Variants in PXDN observed in about 807,000 individuals in gnomAD.
PXDN encodes peroxidasin.
PXDN carries 77 observed loss-of-function variants against 140.3 expected under a neutral mutation model. The ratio of observed to expected loss-of-function variants is 0.55; its 90% CI spans 0.46 to 0.66. The LOEUF is 0.66. Ranked by LOEUF, PXDN falls within the 30% of genes least tolerant of loss-of-function variation. The pLI, the probability that PXDN is intolerant of heterozygous loss-of-function variation, is 0.00. For missense variants in PXDN, 1,838 were observed against 2,039.5 expected, an observed-to-expected ratio of 0.90 and a Z score of 1.90; for synonymous variants, 911 against 857.4, an observed-to-expected ratio of 1.06 and a Z score of -1.09.
intron 13 of PXDN, 140 bp downstream of exon 13, chr2:1,661,932 C>T: frequency 2.9e-6 from 2 of 683,172 alleles, no homozygotes; most frequent in Admixed American, 2.6e-5. Context: ...AGCTGTCCAG[C>T]CCATCATACC....
intron 1 of PXDN, among the ~76,000 whole-genome samples, chr2:1,708,756 G>A (rs773825834): frequency 9.2e-5 from 14 of 152,266 alleles, no homozygotes; most frequent in South Asian, 2.1e-4. Flanking sequence ...TCATAGAAAC[G>A]GGGACATCTT....
At chr2:1,737,014 CAG>C (rs1685436906) in intron 1 of PXDN, among the ~76,000 whole-genome samples, 3 of 152,314 alleles carry the variant, frequency 2.0e-5, no homozygotes, top group Admixed American at 2.0e-4. Flanking sequence ...CCCGGTAGGA[CAG>C]AGTGTGTGGG....
At chr2:1,727,040 A>G (rs983682594) in intron 1 of PXDN, among the ~76,000 whole-genome samples, 1 of 152,264 alleles carries the variant, frequency 6.6e-6, no homozygotes, top group African/African-American at 2.4e-5. Context: ...TCTTAAACAC[A>G]TAGGTCTGGT....
In PXDN at chr2:1,644,820, T is replaced by TA. The variant is rs1329986148; in HGVS notation, c.3609-69dup. On this transcript the variant is annotated intron_variant, in intron 17 of 22. Coordinates refer to ENST00000252804, the MANE Select transcript of PXDN (RefSeq NM_012293.3). The stretch of plus-strand genomic sequence containing the variant: ...CACGTGGTAAAAAATACAGCAAATA[T>TA]AAAAACAGTTCTTTCTTTCTATCAC... 21 of 1,311,604 alleles carry TA rather than the reference T, an allele frequency of 1.6e-5. 1 individual carries two copies. In the South Asian group the frequency reaches 2.4e-4, roughly 15 times the overall value. The allele number at this position is 1,311,604 out of a possible 1,614,324, so 81.2% of individuals were successfully genotyped here.
chr2:1,686,566 G>A (rs986061351), intron 4 of PXDN, among the ~76,000 whole-genome samples: 1 of 152,158 alleles, frequency 6.6e-6, no homozygotes, highest in Non-Finnish European at 1.5e-5. Flanking sequence ...ACGCTTGTTG[G>A]ATATGAGAAC....
In PXDN at chr2:1,660,952, G is replaced by A; in HGVS notation, c.1766C>T (p.Ala589Val). Residue 589 changes from alanine (A) to valine (V), a missense_variant, in exon 14 of 23, where the codon GCA (alanine) becomes GTA (valine). This residue lies in a region of PXDN where 537 missense variants were observed against 583.9 expected (regional missense o/e 0.92). Coordinates refer to ENST00000252804, the MANE Select transcript of PXDN (RefSeq NM_012293.3). The surrounding 1 kb of genome is among the most constrained non-coding windows in gnomAD (Gnocchi z 4.6). ...CCGGGCCACACACTCATAGCGACCT[G>A]CGTCTGCAGGGCCAACGTCATTGAT... ...LTINDVGPADAGRYECVARNT... is the reference protein window; with the variant it reads ...LTINDVGPADVGRYECVARNT... 2 of 1,614,028 alleles carry A rather than the reference G, an allele frequency of 1.2e-6. No homozygotes were observed. The highest frequency in any genetic ancestry group is 1.7e-6 in the Non-Finnish European group (2 of 1,179,900).
intron 14 of PXDN, among the ~76,000 whole-genome samples, chr2:1,654,882 G>A (rs151264989): frequency 1.3e-5 from 2 of 152,178 alleles, no homozygotes; most frequent in East Asian, 1.9e-4. Context: ...AGCAGATCTC[G>A]TCCATTCCTC....
intron 1 of PXDN, among the ~76,000 whole-genome samples, chr2:1,710,776 ACT>A (rs1274570317): frequency 2.0e-4 from 3 of 15,040 alleles, no homozygotes; most frequent in African/African-American, 6.3e-4. Flanking sequence ...ACCAGCACCC[ACT>A]CTCCACCAGC....
chr2:1,713,933 C>T (rs895760097), intron 1 of PXDN, among the ~76,000 whole-genome samples: 3 of 152,212 alleles, frequency 2.0e-5, no homozygotes, highest in Non-Finnish European at 4.4e-5. Context: ...CTCCCAGAGC[C>T]AGGAAGGCAC....
At chr2:1,716,141 A>G (rs1684888279) in intron 1 of PXDN, among the ~76,000 whole-genome samples, 1 of 152,142 alleles carries the variant, frequency 6.6e-6, no homozygotes, top group Non-Finnish European at 1.5e-5. Flanking sequence ...ACGTATCTAT[A>G]AAACCAGGGT....
At chr2:1,694,993 G>C (rs151152778) in intron 1 of PXDN, among the ~76,000 whole-genome samples, 28 of 152,344 alleles carry the variant, frequency 1.8e-4, no homozygotes, top group African/African-American at 6.3e-4. Context: ...TCACAGCTTA[G>C]AGCAAAAATC....
At chr2:1,657,549 C>T (rs1683174959) in intron 14 of PXDN, among the ~76,000 whole-genome samples, 1 of 150,476 alleles carries the variant, frequency 6.6e-6, no homozygotes, top group East Asian at 2.0e-4. Flanking sequence ...CCTCTCGTGA[C>T]AGACACCTGG....
intron 9 of PXDN, among the ~76,000 whole-genome samples, chr2:1,668,584 A>G (rs1308982008): frequency 6.8e-6 from 1 of 147,216 alleles, no homozygotes; most frequent in East Asian, 2.1e-4. Context: ...AGAATCTACA[A>G]GGAACTTAAA....
chr2:1,663,986 AG>A, intron 11 of PXDN: 1 of 566,452 alleles, frequency 1.8e-6, no homozygotes, highest in South Asian at 2.2e-5. Flanking sequence ...ACAGTGGCAG[AG>A]AACAGAGGGA....
At chr2:1,670,735 C>G (rs908571795) in intron 9 of PXDN, among the ~76,000 whole-genome samples, 11 of 152,070 alleles carry the variant, frequency 7.2e-5, no homozygotes, top group African/African-American at 2.7e-4. Context: ...ATACAGAAGA[C>G]AAGACACAGA....
At chr2:1,694,896 G>GCTCCCGT (rs1437525534) in intron 1 of PXDN, among the ~76,000 whole-genome samples, 1 of 152,178 alleles carries the variant, frequency 6.6e-6, no homozygotes, top group African/African-American at 2.4e-5. Flanking sequence ...TTGCAAAGAA[G>GCTCCCGT]CTCCCGTACC....
At chr2:1,681,533 G>A (rs1328031648) in intron 6 of PXDN, among the ~76,000 whole-genome samples, 1 of 151,374 alleles carries the variant, frequency 6.6e-6, no homozygotes, top group African/African-American at 2.4e-5. Flanking sequence ...GGCAGCGTGA[G>A]GGCATCTCTA....
chr2:1,664,202 G>A (rs1389859126), intron 11 of PXDN: 1 of 165,384 alleles, frequency 6.0e-6, no homozygotes, highest in Non-Finnish European at 1.3e-5. Flanking sequence ...GGCGTGTGAT[G>A]CAGGCACAAG....
chr2:1,719,829 G>A (rs1177600207), intron 1 of PXDN, among the ~76,000 whole-genome samples: 2 of 139,550 alleles, frequency 1.4e-5, no homozygotes, highest in African/African-American at 5.6e-5. Flanking sequence ...GTGTACATGC[G>A]TGCATTGTGT....
Sources: allele counts gnomAD v4.1 joint callset (sites outside exome capture counted in the v4.1 genomes callset), GRCh38; gene constraint gnomAD v4.1.1; regional missense constraint gnomAD v4.1.1; non-coding constraint Gnocchi (gnomAD v3.1); transcripts MANE v1.5; gene names NCBI Gene and HGNC (gene_info 2026-07-23, HGNC 2026-07-21).